SCML2: variants seen among roughly 807,000 people sequenced by gnomAD.
SCML2 encodes the protein Scm polycomb group protein like 2, also known as sex comb on midleg-like protein 2.
In SCML2, 6 loss-of-function variants were observed where a neutral mutation model predicts 48.4. The ratio of observed to expected loss-of-function variants is 0.12; its 90% CI spans 0.07 to 0.24. SCML2 has a LOEUF of 0.24. Ranked by LOEUF, SCML2 falls within the 10% of genes least tolerant of loss-of-function variation. The probability of loss-of-function intolerance (pLI) is 1.00; values close to 1 mark genes in which losing one functional copy is unlikely to be tolerated. For synonymous variants in SCML2, 181 were observed against 189.5 expected (o/e 0.95, Z 0.37); for missense variants, 377 against 528.2 (o/e 0.71, Z 2.81).
intron 1 of SCML2, among the ~76,000 whole-genome samples, chrX:18,337,324 A>C (rs1258173459): frequency 2.4e-4 from 25 of 103,493 alleles, no homozygotes; most frequent in South Asian, 4.2e-4. Context: ...AAAAAAAAAA[A>C]AAAAAAAAAC....
At chrX:18,277,224 C>A (rs1927677616) in intron 7 of SCML2, among the ~76,000 whole-genome samples, 1 of 110,963 alleles carries the variant, frequency 9.0e-6, no homozygotes, top group Admixed American at 9.6e-5. Flanking sequence ...GCATGCACCA[C>A]CACACCCAGC....
At chrX:18,313,053 G>A (rs1312115885) in intron 6 of SCML2, among the ~76,000 whole-genome samples, 1 of 108,477 alleles carries the variant, frequency 9.2e-6, no homozygotes, top group African/African-American at 3.4e-5. Flanking sequence ...AGGATGTGAA[G>A]CAGCACTCAT....
chrX:18,310,548 G>A (rs1052345765), intron 6 of SCML2, among the ~76,000 whole-genome samples: 5 of 110,316 alleles, frequency 4.5e-5, no homozygotes, highest in African/African-American at 1.6e-4. Context: ...TTACAGGTGT[G>A]AGCCACTGCG....
rs1252520619 is a variant in SCML2, at chrX:18,246,723, C to T, written c.1676G>A (p.Cys559Tyr). The T allele has an allele frequency of 1.7e-6, 2 of 1,209,527 alleles. No homozygotes were observed. Among genetic ancestry groups the T allele is most frequent in the African/African-American group, 1.7e-5 (1 of 57,661 alleles). The change falls in exon 13 of 15, where the codon TGT becomes TAT. Residue 559 changes from cysteine to tyrosine, a missense_variant. Physicochemically the swap from Cys to Tyr is radical, Grantham distance 194 (BLOSUM62 -2). This residue lies in a region of SCML2 where 299 missense variants were observed against 425.5 expected (regional missense o/e 0.70). Coordinates refer to ENST00000251900, the MANE Select transcript of SCML2 (RefSeq NM_006089.3). The part of the protein sequence containing the change: ...LNSGNYLNPA[C>Y]RNPMYIHTSV... The stretch of plus-strand genomic sequence containing the variant: ...AGTATGAATATACATAGGATTTCTA[C>T]AGGCAGGATTCAAATAATTTCCTGA...
intron 8 of SCML2, among the ~76,000 whole-genome samples, chrX:18,262,352 T>G (rs1927096549): frequency 1.0e-5 from 1 of 97,627 alleles, no homozygotes. Flanking sequence ...TTTTTTTTTT[T>G]TTTTTTGAGA....
chrX:18,255,350 A>T (rs992524328), intron 11 of SCML2, among the ~76,000 whole-genome samples: 3 of 112,281 alleles, frequency 2.7e-5, no homozygotes, highest in African/African-American at 9.7e-5. Flanking sequence ...TAACAGCAGG[A>T]ACTGAATTAA....
intron 1 of SCML2, chrX:18,341,257 T>C (rs1427273376): frequency 8.8e-6 from 6 of 681,157 alleles, no homozygotes; most frequent in Non-Finnish European, 1.1e-5. Context: ...CCAGCTTCAA[T>C]AAGGCCAAGC....
chrX:18,259,755 A>G (rs1275044698), intron 9 of SCML2, among the ~76,000 whole-genome samples: 1 of 112,019 alleles, frequency 8.9e-6, no homozygotes, highest in East Asian at 2.8e-4. Flanking sequence ...AATTAAAAGG[A>G]AAAAAAAGTC....
At chrX:18,309,857 C>T (rs1424572789) in intron 6 of SCML2, among the ~76,000 whole-genome samples, 2 of 111,001 alleles carry the variant, frequency 1.8e-5, no homozygotes, top group Non-Finnish European at 3.8e-5. Context: ...ATAATCTGTG[C>T]CCCAAAGCCC....
intron 6 of SCML2, among the ~76,000 whole-genome samples, chrX:18,319,297 A>G: frequency 9.0e-6 from 1 of 111,312 alleles, no homozygotes; most frequent in Non-Finnish European, 1.9e-5. Context: ...AGGCTGAGGC[A>G]TGAGAATTGC....
intron 13 of SCML2, among the ~76,000 whole-genome samples, chrX:18,246,142 G>A (rs984234974): frequency 1.8e-5 from 2 of 112,175 alleles, no homozygotes; most frequent in African/African-American, 6.5e-5. Flanking sequence ...AGGAAATGGT[G>A]TGGCTGTGGT....
intron 7 of SCML2, among the ~76,000 whole-genome samples, chrX:18,275,569 T>C (rs1031064223): frequency 5.3e-5 from 6 of 112,567 alleles, no homozygotes; most frequent in South Asian, 3.7e-4. Context: ...GTGAGTTCCC[T>C]TAGGAGAAGG....
At chrX:18,337,685 G>A (rs1474238343) in intron 1 of SCML2, among the ~76,000 whole-genome samples, 1 of 111,799 alleles carries the variant, frequency 8.9e-6, no homozygotes, top group East Asian at 2.8e-4. Context: ...ACTTCAACAA[G>A]CCTCTATCAG....
chrX:18,342,482 C>T (rs1401505616), intron 1 of SCML2, among the ~76,000 whole-genome samples: 1 of 111,851 alleles, frequency 8.9e-6, no homozygotes, highest in African/African-American at 3.2e-5. Flanking sequence ...GAGACCAAGG[C>T]GGGCAGATCA....
intron 7 of SCML2, among the ~76,000 whole-genome samples, chrX:18,270,823 A>C (rs928594927): frequency 1.8e-5 from 2 of 111,506 alleles, no homozygotes; most frequent in Admixed American, 9.5e-5. Context: ...ATATGAACAC[A>C]CAAACTTTGT....
intron 3 of SCML2, among the ~76,000 whole-genome samples, chrX:18,326,525 A>G (rs1929484762): frequency 9.1e-6 from 1 of 110,455 alleles, no homozygotes; most frequent in Admixed American, 9.7e-5. Context: ...CTAAAAACAC[A>G]AAAATTAGCC....
chrX:18,265,452 T>C (rs1927224032), intron 8 of SCML2, 133 bp downstream of exon 8: 1 of 517,376 alleles, frequency 1.9e-6, no homozygotes, highest in Non-Finnish European at 3.2e-6. Context: ...TGTGAGGCTT[T>C]CAAAAGCCTA....
rs760895760 is a variant in SCML2 at position 18,344,805 on chromosome X, A to G, written c.-25+9787T>C. 2.7e-5 allele frequency among the ~76,000 whole-genome samples: 3 copies of G among 111,156 alleles called. No individual in the cohort carries two copies. In the South Asian group the frequency reaches 1.1e-3, roughly 43 times the overall value. On this transcript the variant is annotated intron_variant, in intron 1 of 14. Transcript: ENST00000251900. Reference sequence around the variant, plus strand: ...TTTATCGGCAGCGTGAAAACAGACTAATACAAGGAGATATTATAATATACC... The same window carrying G: ...TTTATCGGCAGCGTGAAAACAGACTGATACAAGGAGATATTATAATATACC...
intron 3 of SCML2, among the ~76,000 whole-genome samples, chrX:18,329,144 T>G (rs1444541768): frequency 8.9e-6 from 1 of 111,805 alleles, no homozygotes; most frequent in Non-Finnish European, 1.9e-5. Context: ...GCACTCTAAA[T>G]AGGTGAATTA....
Sources: allele counts gnomAD v4.1 joint callset (sites outside exome capture counted in the v4.1 genomes callset), GRCh38; gene constraint gnomAD v4.1.1; regional missense constraint gnomAD v4.1.1; transcripts MANE v1.5; gene names NCBI Gene and HGNC (gene_info 2026-07-23, HGNC 2026-07-21).